The following TUSC3 variants were observed in gnomAD, a reference collection of about 807,000 sequenced individuals.
The protein encoded by TUSC3 is tumor suppressor candidate 3, also known as dolichyl-diphosphooligosaccharide--protein glycosyltransferase subunit TUSC3.
TUSC3 carries 45 observed loss-of-function variants against 44.8 expected under a neutral mutation model. That is an observed-to-expected ratio of 1.00 (90% CI 0.79 to 1.29). TUSC3 has a LOEUF of 1.29. TUSC3 is among the 50% of genes most tolerant of loss of function. The probability of loss-of-function intolerance (pLI) is 0.00; values close to 1 mark genes in which losing one functional copy is unlikely to be tolerated. For missense variants in TUSC3, 519 were observed against 437.9 expected (o/e 1.19, Z -1.65); for synonymous variants, 212 against 152.9 (o/e 1.39, Z -2.85).
chr8:15,761,456 G>T (rs924278187), intron 10 of TUSC3, among the ~76,000 whole-genome samples: 3 of 152,190 alleles, frequency 2.0e-5, no homozygotes, highest in Non-Finnish European at 4.4e-5. Flanking sequence ...GCTAGTCCTA[G>T]CCTTCTATCT....
At chr8:15,453,218 T>G (rs1467742376) in intron 1 of TUSC3, among the ~76,000 whole-genome samples, 1 of 151,144 alleles carries the variant, frequency 6.6e-6, no homozygotes, top group Non-Finnish European at 1.5e-5. Context: ...CCATATGACT[T>G]CACATTAGCG....
chr8:15,538,870 G>A (rs1000773685), upstream of TUSC3, among the ~76,000 whole-genome samples: 6 of 151,648 alleles, frequency 4.0e-5, no homozygotes, highest in East Asian at 7.7e-4. Flanking sequence ...TATTTTTGGA[G>A]ACAGGGTTTT....
At chr8:15,509,633 C>A (rs1394174973) in intron 2 of TUSC3, among the ~76,000 whole-genome samples, 1 of 151,916 alleles carries the variant, frequency 6.6e-6, no homozygotes, top group Non-Finnish European at 1.5e-5. Context: ...AATAAAATAG[C>A]ACAGAAACAT....
chr8:15,748,304 T>TA, intron 8 of TUSC3, 71 bp from the exon 9 acceptor site: 2 of 1,192,710 alleles, frequency 1.7e-6, no homozygotes, highest in Non-Finnish European at 2.5e-6. Context: ...TGAATGCATT[T>TA]AAAAATATAA....
intron 2 of TUSC3, among the ~76,000 whole-genome samples, chr8:15,639,916 C>G (rs1452089090): frequency 6.6e-6 from 1 of 151,442 alleles, no homozygotes; most frequent in Non-Finnish European, 1.5e-5. Flanking sequence ...AAATAATATT[C>G]TTTTTATTTA....
intron 1 of TUSC3, among the ~76,000 whole-genome samples, chr8:15,618,589 C>T (rs1426694796): frequency 6.6e-6 from 1 of 152,118 alleles, no homozygotes; most frequent in East Asian, 1.9e-4. Flanking sequence ...GGATAACATT[C>T]TCTTCTGGAC....
the TUSC3 span, chr8:15,807,247 G>C: frequency 1.6e-6 from 1 of 639,942 alleles, no homozygotes. Flanking sequence ...CAGGCATTAT[G>C]CTCTTCCATC....
chr8:15,616,834 C>G (rs1024318744), intron 1 of TUSC3, among the ~76,000 whole-genome samples: 1 of 152,070 alleles, frequency 6.6e-6, no homozygotes, highest in Non-Finnish European at 1.5e-5. Flanking sequence ...ATGTCGATTT[C>G]CAAGTCAGAA....
chr8:15,708,011 C>T (rs1237940657), intron 6 of TUSC3, among the ~76,000 whole-genome samples: 1 of 151,882 alleles, frequency 6.6e-6, no homozygotes. Flanking sequence ...CTGTGCTTCT[C>T]TTTGTATCCT....
chr8:15,662,342 A>G, intron 5 of TUSC3, 46 bp downstream of exon 5: 1 of 1,609,490 alleles, frequency 6.2e-7, no homozygotes, highest in South Asian at 1.1e-5. Context: ...TCTTTGTGTA[A>G]TAATATAAGT....
At chr8:15,610,229 A>G (rs932840686) in intron 1 of TUSC3, among the ~76,000 whole-genome samples, 2 of 152,180 alleles carry the variant, frequency 1.3e-5, no homozygotes, top group South Asian at 4.1e-4. Flanking sequence ...AATTCCATAC[A>G]TTCATTGATC....
chr8:15,551,638 A>G (rs2129136741), intron 1 of TUSC3, among the ~76,000 whole-genome samples: 1 of 151,904 alleles, frequency 6.6e-6, no homozygotes, highest in East Asian at 1.9e-4. Flanking sequence ...GTAGTTTTCA[A>G]AGAACTTCAT....
At chr8:15,801,711 A>G in the TUSC3 span, among the ~76,000 whole-genome samples, 2 of 152,114 alleles carry the variant, frequency 1.3e-5, no homozygotes, top group Non-Finnish European at 2.9e-5. Flanking sequence ...GTGGCAGTCC[A>G]TGTAGAACGT....
intron 2 of TUSC3, among the ~76,000 whole-genome samples, chr8:15,506,014 G>C (rs1801046551): frequency 6.6e-6 from 1 of 152,130 alleles, no homozygotes; most frequent in Non-Finnish European, 1.5e-5. Flanking sequence ...CAGCACCCTG[G>C]TGTGCTAGTG....
intron 1 of TUSC3, among the ~76,000 whole-genome samples, chr8:15,588,609 C>T (rs1056375406): frequency 2.6e-5 from 4 of 152,014 alleles, no homozygotes; most frequent in Non-Finnish European, 4.4e-5. Context: ...CTTTTGAAGT[C>T]TTATCAACAA....
intron 2 of TUSC3, among the ~76,000 whole-genome samples, chr8:15,517,705 C>G (rs1238208958): frequency 6.6e-6 from 1 of 152,002 alleles, no homozygotes; most frequent in Non-Finnish European, 1.5e-5. Flanking sequence ...TAATCATCAG[C>G]TGTATTATAT....
In TUSC3 at chr8:15,446,372, C is replaced by T. The variant is rs542496173; in HGVS notation, n.91+29067C>T. On this transcript the variant is annotated intron_variant and non_coding_transcript_variant, in intron 1 of 5. Coordinates refer to the TUSC3 transcript ENST00000503191. ...ATCTCGGCACTTTGGGAGGCCAAGG[C>T]AGGTGGCTGGGAGGTGGAGGTTGTA... Among the ~76,000 whole-genome samples, 4 of 152,184 alleles carry T rather than the reference C, an allele frequency of 2.6e-5. No homozygotes were observed. The East Asian group carries it at 5.9e-4, about 22-fold the overall frequency.
chr8:15,510,277 G>A (rs1023183804), intron 2 of TUSC3, among the ~76,000 whole-genome samples: 4 of 152,156 alleles, frequency 2.6e-5, no homozygotes, highest in Middle Eastern at 3.4e-3. Flanking sequence ...AAAGAAAAAA[G>A]GGAAAAAGAA....
chr8:15,645,960 G>C (rs538184078), intron 2 of TUSC3, among the ~76,000 whole-genome samples: 1 of 152,040 alleles, frequency 6.6e-6, no homozygotes, highest in African/African-American at 2.4e-5. Flanking sequence ...ATGATATAGT[G>C]GCTGGCTATG....
Sources: gnomAD v4.1 joint callset for allele counts (sites outside exome capture counted in the v4.1 genomes callset) on GRCh38, gnomAD v4.1.1 for gene constraint, MANE v1.5 for transcripts, NCBI Gene and HGNC (gene_info 2026-07-23, HGNC 2026-07-21) for gene names.